The following DEAF1 variants were observed in gnomAD, a reference collection of about 807,000 sequenced individuals.
DEAF1 encodes deformed epidermal autoregulatory factor 1 homolog.
Under a neutral mutation model 58.9 loss-of-function variants are expected in DEAF1, and 53 were observed. That is an observed-to-expected ratio of 0.90 (90% CI 0.72 to 1.13). DEAF1 has a LOEUF of 1.13. DEAF1 is among the 50% of genes most tolerant of loss of function. DEAF1 has a pLI of 0.00. For synonymous variants in DEAF1, 385 were observed against 340.4 expected, an observed-to-expected ratio of 1.13 and a Z score of -1.44; for missense variants, 685 against 791.4, an observed-to-expected ratio of 0.87 and a Z score of 1.61.
intron 7 of DEAF1, among the ~76,000 whole-genome samples, 154 bp downstream of exon 7, chr11:680,809 G>A (rs1364604225): frequency 1.3e-5 from 2 of 152,194 alleles, no homozygotes; most frequent in African/African-American, 2.4e-5. Context: ...CCCGGGGGAC[G>A]CACTGCAAAG....
rs190201088 is a variant in DEAF1 at position 704,708 on chromosome 11, G to A, written c.-438+1864C>T. 46 of 1,229,276 alleles carry A rather than the reference G, an allele frequency of 3.7e-5. No homozygotes were observed. The East Asian group carries it at 2.4e-3, about 65-fold the overall frequency. 76.1% of individuals were successfully genotyped at this position (1,229,276 alleles called of 1,614,324 possible). On this transcript the variant is annotated intron_variant, in intron 1 of 11. Transcript: ENST00000683307. ...AGGCAGTGGTCACCTGTTCCACAGG[G>A]AACGCCATGGCTCCAGGTGACCCGG...
intron 1 of DEAF1, chr11:703,175 A>G (rs7107522): frequency 0.16 from 256,026 of 1,582,374 alleles, 21,905 homozygotes; most frequent in African/African-American, 0.27. Context: ...GATACCCCAC[A>G]CTGGGGCCCT....
intron 10 of DEAF1, among the ~76,000 whole-genome samples, chr11:670,946 TGAGACAGAGTCTCAC>T (rs1859797024): frequency 6.9e-6 from 1 of 145,280 alleles, no homozygotes; most frequent in African/African-American, 2.5e-5. Flanking sequence ...TTTTTTTTTT[TGAGACAGAGTCTCAC>T]TTTGTCACCC....
chr11:683,196 C>T (rs1038218860), intron 6 of DEAF1, among the ~76,000 whole-genome samples: 1 of 152,144 alleles, frequency 6.6e-6, no homozygotes, highest in Non-Finnish European at 1.5e-5. Context: ...ACTCCCCAAG[C>T]GGAAGCCAAA....
chr11:690,163 T>C lies in DEAF1; in HGVS notation c.387+1338A>G, dbSNP rs573765024. Among the ~76,000 whole-genome samples, 1,011 of 111,422 alleles carry C rather than the reference T, an allele frequency of 9.1e-3. 11 individuals carry two copies. Among genetic ancestry groups the C allele is most frequent in the African/African-American group, 0.031 (963 of 31,502 alleles). 73.1% of individuals were successfully genotyped at this position (111,422 alleles called of 152,430 possible). A position where few individuals can be genotyped will look rare whatever the true frequency, so the allele number is the denominator to read the frequency against. The stretch of plus-strand genomic sequence containing the variant: ...ACATGGGGAACCCAGGAGGTGGAGG[T>C]TGCAGTGAGTTGAGATCACTCCACT... On this transcript the variant is annotated intron_variant, in intron 2 of 11. Coordinates refer to ENST00000382409, the MANE Select transcript of DEAF1 (RefSeq NM_021008.4).
In DEAF1 at chr11:684,950, T is replaced by C. The variant is rs771073144; in HGVS notation, c.818A>G (p.Asn273Ser). 1.9e-6 allele frequency: 3 copies of C among 1,551,504 alleles called. No homozygotes were observed. Among genetic ancestry groups the C allele is most frequent in the Non-Finnish European group, 2.6e-6 (3 of 1,146,970 alleles). The change falls in exon 6 of 12, where the codon AAC (asparagine) becomes AGC (serine). Residue 273 changes from asparagine to serine, a missense_variant. Transcript: ENST00000382409. ...ACAGGTGCAAGAGGCAGCGTGAGGG[T>C]TTAAGATCCCATCCTGAGATGTGAA... ...LQCLIQDGIL[N>S]PHAASCTCAA...
Position 644,833 on chromosome 11 carries a change from T to G in DEAF1, c.1594-179A>C, listed in dbSNP as rs996107326. Among the ~76,000 whole-genome samples the G allele has an allele frequency of 4.6e-5, 7 of 151,940 alleles. No individual in the cohort carries two copies. The highest frequency in any genetic ancestry group is 1.0e-4 in the Non-Finnish European group (7 of 67,994). On this transcript the variant is annotated intron_variant, in intron 11 of 11. Transcript: ENST00000382409. This position sits in a 1 kb window ranked among gnomAD's most constrained non-coding sequence, Gnocchi z 4.3. ...GGTGGGCTCTGCTCCAATACAGCCTTCCCCACACTCTCTTGGTTTGAGGAA... is the reference window on the plus strand; with the variant it reads ...GGTGGGCTCTGCTCCAATACAGCCTGCCCCACACTCTCTTGGTTTGAGGAA...
chr11:667,134 C>T (rs868517077), intron 10 of DEAF1, among the ~76,000 whole-genome samples: 3 of 151,578 alleles, frequency 2.0e-5, no homozygotes, highest in Non-Finnish European at 2.9e-5. Context: ...AAGGAGTTTG[C>T]GGCCAGCCTG....
At chr11:646,429 T>G (rs910329375) in intron 11 of DEAF1, 3 of 152,194 alleles carry the variant, frequency 2.0e-5, no homozygotes, top group Admixed American at 2.0e-4. Context: ...AGACTCTGTG[T>G]GGGGTGAGGG....
At chr11:700,105 A>G, upstream of DEAF1, 1 of 1,591,004 alleles carries the variant, frequency 6.3e-7, no homozygotes, top group Non-Finnish European at 8.6e-7. Flanking sequence ...GCTGCTCCCA[A>G]GCCTGTTGAG....
At chr11:703,553 C>T in intron 1 of DEAF1, 1 of 1,234,040 alleles carries the variant, frequency 8.1e-7, no homozygotes, top group Non-Finnish European at 1.0e-6. Context: ...CCCCCTAGTT[C>T]CCCAATGGTC....
intron 1 of DEAF1, among the ~76,000 whole-genome samples, chr11:702,097 T>C (rs7108216): frequency 0.55 from 84,293 of 152,040 alleles, 24,001 homozygotes; most frequent in East Asian, 0.71. Flanking sequence ...CCCTGATGCC[T>C]GATGTCCAGT....
At chr11:701,443 C>T (rs1244924282) in intron 1 of DEAF1, among the ~76,000 whole-genome samples, 105 of 129,742 alleles carry the variant, frequency 8.1e-4, no homozygotes, top group Non-Finnish European at 1.3e-3. Context: ...CAGAGTCTCG[C>T]TCTGTCGCCC....
intron 1 of DEAF1, chr11:704,731 C>T (rs1032556425): frequency 2.5e-5 from 28 of 1,124,078 alleles, no homozygotes; most frequent in Admixed American, 7.3e-5. Context: ...CCAGGTGACC[C>T]GGAGTGGATG....
intron 2 of DEAF1, among the ~76,000 whole-genome samples, chr11:689,464 G>C (rs1860740625): frequency 6.6e-6 from 1 of 151,918 alleles, no homozygotes; most frequent in South Asian, 2.1e-4. Flanking sequence ...GCCCATCTCG[G>C]CCTCCCAGAG....
At chr11:657,662 T>C (rs1468636133) in intron 10 of DEAF1, among the ~76,000 whole-genome samples, 1 of 152,120 alleles carries the variant, frequency 6.6e-6, no homozygotes, top group Non-Finnish European at 1.5e-5. Flanking sequence ...CAGAGCTGTC[T>C]GTAATGTCAC....
intron 11 of DEAF1, among the ~76,000 whole-genome samples, chr11:649,067 A>G (rs1858633035): frequency 6.6e-6 from 1 of 152,196 alleles, no homozygotes; most frequent in African/African-American, 2.4e-5. Context: ...CCTGGCCAAC[A>G]TGGCAAAACC....
intron 11 of DEAF1, among the ~76,000 whole-genome samples, chr11:648,227 C>CT (rs1487040340): frequency 5.4e-5 from 8 of 147,376 alleles, no homozygotes; most frequent in Admixed American, 1.3e-4. Flanking sequence ...CGGAGTCTCC[C>CT]TTTGTCTCCC....
chr11:674,673 G>C lies in DEAF1; in HGVS notation c.1366C>G (p.Leu456Val). ...AGCAAGGAGTTGACCATCTCTTCTA[G>C]GTACAGCCAGCTCCGCGGCTCTGAC... ...ELSEPRSWLY[L>V]EEMVNSLLNT... The change falls in exon 10 of 12, where the codon CTA becomes GTA. Residue 456 changes from leucine (L) to valine (V), a missense_variant. By Grantham distance (32) the Leu-to-Val change is conservative. Coordinates refer to ENST00000382409, the MANE Select transcript of DEAF1 (RefSeq NM_021008.4). 1.2e-6 allele frequency: 2 copies of C among 1,614,060 alleles called. No individual in the cohort carries two copies. The highest frequency in any genetic ancestry group is 1.7e-6 in the Non-Finnish European group (2 of 1,180,046).
Sources: gnomAD v4.1 joint callset for allele counts (sites outside exome capture counted in the v4.1 genomes callset) on GRCh38, gnomAD v4.1.1 for gene constraint, Gnocchi (gnomAD v3.1) non-coding constraint, MANE v1.5 for transcripts, NCBI Gene and HGNC (gene_info 2026-07-23, HGNC 2026-07-21) for gene names.